RIMKLB: variants seen among roughly 807,000 people sequenced by gnomAD.
RIMKLB encodes beta-citrylglutamate synthase B.
RIMKLB carries 7 observed loss-of-function variants against 32.0 expected under a neutral mutation model. The ratio of observed to expected loss-of-function variants is 0.22; its 90% CI spans 0.12 to 0.41. The LOEUF is 0.41. RIMKLB is among the 10% of genes least tolerant of loss of function. The probability of loss-of-function intolerance (pLI) is 1.00; values close to 1 mark genes in which losing one functional copy is unlikely to be tolerated. For synonymous variants in RIMKLB, 172 were observed against 185.1 expected, an observed-to-expected ratio of 0.93 and a Z score of 0.57; for missense variants, 289 against 498.7, an observed-to-expected ratio of 0.58 and a Z score of 4.00.
chr12:8,677,745 G>GC (rs1379160830), upstream of RIMKLB, among the ~76,000 whole-genome samples: 3 of 149,482 alleles, frequency 2.0e-5, no homozygotes, highest in African/African-American at 7.4e-5. Flanking sequence ...CAGAACCTTT[G>GC]CCCTTTTTTT....
chr12:8,692,639 T>A (rs755792288), upstream of RIMKLB, among the ~76,000 whole-genome samples: 16 of 152,362 alleles, frequency 1.1e-4, no homozygotes, highest in African/African-American at 3.8e-4. Context: ...TCAGCCAATG[T>A]ATGGTCTTTC....
intron 1 of RIMKLB, chr12:8,700,564 A>G (rs754349981): frequency 6.6e-6 from 1 of 152,356 alleles, no homozygotes; most frequent in South Asian, 2.1e-4. Flanking sequence ...AAGAACTTCT[A>G]TACCCACGAA....
At chr12:8,745,799 A>G (rs1252907744) in intron 2 of RIMKLB, among the ~76,000 whole-genome samples, 2 of 145,818 alleles carry the variant, frequency 1.4e-5, no homozygotes, top group East Asian at 4.1e-4. Flanking sequence ...GGTACAAGTG[A>G]TTCTCCTGCC....
chr12:8,682,927 C>T (rs1942459209), intron 1 of RIMKLB, among the ~76,000 whole-genome samples: 1 of 151,778 alleles, frequency 6.6e-6, no homozygotes, highest in East Asian at 2.0e-4. Context: ...TGAGCTACCG[C>T]GCCCGGCCTG....
chr12:8,682,144 T>A (rs1942425059), intron 1 of RIMKLB, among the ~76,000 whole-genome samples: 1 of 152,130 alleles, frequency 6.6e-6, no homozygotes, highest in Admixed American at 6.5e-5. Context: ...GTGTATTTCT[T>A]ACAATACATG....
chr12:8,682,696 C>T (rs940707449), intron 1 of RIMKLB, among the ~76,000 whole-genome samples: 3 of 150,230 alleles, frequency 2.0e-5, no homozygotes, highest in Admixed American at 1.3e-4. Flanking sequence ...GGCGTGAACC[C>T]GGGAGGCGGA....
At chr12:8,674,815 A>G in the RIMKLB span, among the ~76,000 whole-genome samples, 3 of 148,296 alleles carry the variant, frequency 2.0e-5, no homozygotes, top group Non-Finnish European at 3.0e-5. Flanking sequence ...CTTTCAAAGT[A>G]CTAGAATTAC....
intron 1 of RIMKLB, among the ~76,000 whole-genome samples, chr12:8,706,384 A>C (rs1349590274): frequency 6.7e-6 from 1 of 148,570 alleles, no homozygotes; most frequent in African/African-American, 2.5e-5. Flanking sequence ...AGGTGAGGTG[A>C]TCCACCTGCC....
chr12:8,759,294 C>G (rs1254637298), intron 5 of RIMKLB, among the ~76,000 whole-genome samples: 4 of 152,094 alleles, frequency 2.6e-5, no homozygotes, highest in Admixed American at 6.5e-5. Context: ...ACTCAGGAGG[C>G]TGAGACAGGA....
chr12:8,765,039 A>G (rs767520870), intron 5 of RIMKLB, among the ~76,000 whole-genome samples: 3 of 151,368 alleles, frequency 2.0e-5, no homozygotes, highest in Non-Finnish European at 2.9e-5. Context: ...AGTTTTGCTC[A>G]GGGCCTAAGG....
At chr12:8,718,653 CTATATA>C (rs369394381) in intron 2 of RIMKLB, among the ~76,000 whole-genome samples, 172 of 138,430 alleles carry the variant, frequency 1.2e-3, no homozygotes, top group African/African-American at 4.3e-3. Context: ...CTCTCTCTCT[CTATATA>C]TATATATATA....
downstream of RIMKLB, among the ~76,000 whole-genome samples, chr12:8,781,989 GTTC>G (rs1284439587): frequency 2.7e-5 from 4 of 150,338 alleles, no homozygotes; most frequent in African/African-American, 7.3e-5. Context: ...AAGGCATATG[GTTC>G]TTATCTTATT....
At chr12:8,761,257 G>C (rs1460537517) in intron 5 of RIMKLB, among the ~76,000 whole-genome samples, 2 of 146,162 alleles carry the variant, frequency 1.4e-5, no homozygotes, top group Admixed American at 6.8e-5. Flanking sequence ...AGACGAGAGG[G>C]TGAGGGGGAG....
chr12:8,756,115 C>G (rs1416317895), intron 5 of RIMKLB, among the ~76,000 whole-genome samples: 2 of 149,762 alleles, frequency 1.3e-5, no homozygotes, highest in Non-Finnish European at 3.0e-5. Flanking sequence ...GATTGCACCA[C>G]TGCACTCCAG....
chr12:8,705,993 G>A (rs113005130), intron 1 of RIMKLB, among the ~76,000 whole-genome samples: 5,119 of 152,210 alleles, frequency 0.034, 290 homozygotes, highest in African/African-American at 0.12. Context: ...TGTTAATCAC[G>A]TATAGAAAAT....
At chr12:8,675,219 A>G in the RIMKLB span, among the ~76,000 whole-genome samples, 2 of 152,226 alleles carry the variant, frequency 1.3e-5, no homozygotes, top group Non-Finnish European at 2.9e-5. Flanking sequence ...GCTGAATAAT[A>G]CAGACACATT....
upstream of RIMKLB, among the ~76,000 whole-genome samples, chr12:8,695,116 A>G (rs1401683435): frequency 6.6e-6 from 1 of 152,210 alleles, no homozygotes; most frequent in Non-Finnish European, 1.5e-5. Flanking sequence ...ATTTCAAATC[A>G]GATTGATCTG....
At chr12:8,737,983 G>A (rs1377466569) in intron 2 of RIMKLB, among the ~76,000 whole-genome samples, 3 of 152,186 alleles carry the variant, frequency 2.0e-5, no homozygotes, top group Non-Finnish European at 2.9e-5. Flanking sequence ...CAAAGTGCTA[G>A]GATTACAGGT....
downstream of RIMKLB, among the ~76,000 whole-genome samples, chr12:8,778,135 C>G (rs1321211650): frequency 2.0e-5 from 3 of 152,124 alleles, no homozygotes; most frequent in Non-Finnish European, 4.4e-5. Context: ...CATTGTGCTA[C>G]TCTGGCTTAA....
Sources: allele counts gnomAD v4.1 joint callset (sites outside exome capture counted in the v4.1 genomes callset), GRCh38; gene constraint gnomAD v4.1.1; transcripts MANE v1.5; gene names NCBI Gene and HGNC (gene_info 2026-07-23, HGNC 2026-07-21).